The following UBALD2 variants were observed in gnomAD, a reference collection of about 807,000 sequenced individuals.
The protein encoded by UBALD2 is UBA like domain containing 2.
Under a neutral mutation model 15.9 loss-of-function variants are expected in UBALD2, and 8 were observed. The ratio of observed to expected loss-of-function variants is 0.50; its 90% CI spans 0.29 to 0.91. The LOEUF (loss-of-function observed/expected upper bound fraction) is 0.91, where lower values mean the gene tolerates loss of function less well. Among genes scored for constraint, UBALD2 ranks in the 40% least tolerant of loss-of-function variants. The pLI is 0.07. For synonymous variants in UBALD2, 113 were observed against 97.7 expected, an observed-to-expected ratio of 1.16 and a Z score of -0.93; for missense variants, 178 against 234.8, an observed-to-expected ratio of 0.76 and a Z score of 1.58.
At chr17:76,266,429 C>G (rs1598467270) in intron 2 of UBALD2, among the ~76,000 whole-genome samples, 2 of 151,636 alleles carry the variant, frequency 1.3e-5, no homozygotes, top group Admixed American at 1.3e-4. Flanking sequence ...CACACACACA[C>G]CCAGCGCTAC....
intron 2 of UBALD2, 62 bp from the exon 3 acceptor site, chr17:76,270,132 C>T: frequency 1.3e-6 from 2 of 1,562,504 alleles, no homozygotes. Context: ...CCTGGGTAAG[C>T]CCCATCCAGT....
At position 76,269,626 on chromosome 17, in the gene UBALD2, A is replaced by C. The variant is rs1479414035; in HGVS notation, c.184-568A>C. On this transcript the variant is annotated intron_variant, in intron 2 of 2. Coordinates refer to ENST00000327490, the MANE Select transcript of UBALD2 (RefSeq NM_182565.4). The surrounding 1 kb of genome is among the most constrained non-coding windows in gnomAD (Gnocchi z 4.6). The stretch of plus-strand genomic sequence containing the variant: ...CAGTTTCCTCATTTGTCATAAAGAG[A>C]GGATAATTGAAGCCACTAAGTGTCA... Among the ~76,000 whole-genome samples the C allele has an allele frequency of 6.6e-6, 1 of 152,172 alleles. No homozygotes were observed. The highest frequency in any genetic ancestry group is 1.5e-5 in the Non-Finnish European group (1 of 68,026).
Position 76,270,609 on chromosome 17 carries a change from C to T in UBALD2, c.*104C>T, listed in dbSNP as rs886185918. 104 of 1,097,980 alleles carry T rather than the reference C, an allele frequency of 9.5e-5. No individual in the cohort carries two copies. The highest frequency in any genetic ancestry group is 3.4e-4 in the East Asian group (11 of 32,408). The allele number at this position is 1,097,980 out of a possible 1,614,324, so 68.0% of individuals were successfully genotyped here. On this transcript the variant is annotated 3_prime_UTR_variant, in exon 3 of 3. Transcript: ENST00000327490. ...GAGCCGGGGAGGGCAGGGGGTTTCC[C>T]GAAGATCGCACTGGAAGATTTTATA...
chr17:76,266,495 A>G (rs1246759678), intron 2 of UBALD2, among the ~76,000 whole-genome samples: 1 of 152,112 alleles, frequency 6.6e-6, no homozygotes, highest in Non-Finnish European at 1.5e-5. Flanking sequence ...CTCTACCCAC[A>G]AAGATCTGTT....
Position 76,270,602 on chromosome 17 carries a change from G to T in UBALD2, c.*97G>T. On this transcript the variant is annotated 3_prime_UTR_variant, in exon 3 of 3. Coordinates refer to ENST00000327490, the MANE Select transcript of UBALD2 (RefSeq NM_182565.4). The stretch of plus-strand genomic sequence containing the variant: ...GAGGGGGGAGCCGGGGAGGGCAGGG[G>T]GTTTCCCGAAGATCGCACTGGAAGA... 8.6e-7 allele frequency: 1 copy of T among 1,164,254 alleles called. No individual in the cohort carries two copies. The highest frequency in any genetic ancestry group is 1.1e-6 in the Non-Finnish European group (1 of 879,814). 72.1% of individuals were successfully genotyped at this position (1,164,254 alleles called of 1,614,324 possible).
At position 76,265,500 on chromosome 17, in the gene UBALD2, C is replaced by A; in HGVS notation, c.-6C>A. 1 of 1,216,870 alleles carries A rather than the reference C, an allele frequency of 8.2e-7. No homozygotes were observed. The highest frequency in any genetic ancestry group is 1.9e-5 in the South Asian group (1 of 53,152). The allele number at this position is 1,216,870 out of a possible 1,614,324, so 75.4% of individuals were successfully genotyped here. On this transcript the variant is annotated 5_prime_UTR_variant, in exon 1 of 3. Coordinates refer to ENST00000327490, the MANE Select transcript of UBALD2 (RefSeq NM_182565.4). ...GGAGACGCCGGGCCCCGCGCCGCGCCGCGCCATGTCGGTGAACATGGACGA... is the reference window on the plus strand; with the variant it reads ...GGAGACGCCGGGCCCCGCGCCGCGCAGCGCCATGTCGGTGAACATGGACGA...
At position 76,269,067 on chromosome 17, in the gene UBALD2, A is replaced by T. The variant is rs935853751; in HGVS notation, c.184-1127A>T. On this transcript the variant is annotated intron_variant, in intron 2 of 2. Coordinates refer to ENST00000327490, the MANE Select transcript of UBALD2 (RefSeq NM_182565.4). The surrounding 1 kb of genome is among the most constrained non-coding windows in gnomAD (Gnocchi z 4.6). ...CCTCTTTCAAGGTGAAGAGCCCTCAAGTCGTTCCCCCAACTCCTGCGCCTG... is the reference window on the plus strand; with the variant it reads ...CCTCTTTCAAGGTGAAGAGCCCTCATGTCGTTCCCCCAACTCCTGCGCCTG... Among the ~76,000 whole-genome samples, 1 of 152,118 alleles carries T rather than the reference A, an allele frequency of 6.6e-6. No individual in the cohort carries two copies. The highest frequency in any genetic ancestry group is 1.5e-5 in the Non-Finnish European group (1 of 68,010).
At position 76,270,548 on chromosome 17, in the gene UBALD2, C is replaced by T; in HGVS notation, c.*43C>T. 1 of 1,417,392 alleles carries T rather than the reference C, an allele frequency of 7.1e-7. No homozygotes were observed. Among genetic ancestry groups the T allele is most frequent in the Non-Finnish European group, 9.2e-7 (1 of 1,090,350 alleles). The allele number at this position is 1,417,392 out of a possible 1,614,324, so 87.8% of individuals were successfully genotyped here. On this transcript the variant is annotated 3_prime_UTR_variant, in exon 3 of 3. Transcript: ENST00000327490. The stretch of plus-strand genomic sequence containing the variant: ...CGCTGGGCTGGAGCTGGGGGCAGCC[C>T]AGGGTTGTGGGGACACAGGAGGGCC...
chr17:76,267,490 C>CTTTTTT (rs55819046), intron 2 of UBALD2, among the ~76,000 whole-genome samples: 18 of 115,092 alleles, frequency 1.6e-4, no homozygotes, highest in African/African-American at 4.9e-4. Context: ...TTCATGGTTT[C>CTTTTTT]TTTTTTTTTT....
Position 76,270,238 on chromosome 17 carries a change from C to T in UBALD2, c.228C>T (p.Pro76=), listed in dbSNP as rs201590446. The change falls in exon 3 of 3, where the codon CCC becomes CCT. Residue 76 remains proline, a synonymous_variant. Transcript: ENST00000327490. ...CCCCTGCCACGCCGCCCAACTTCCC[C>T]GATGCGCTGGCCATGTTCTCCAAGC... ...SNTPATPPNF[P]DALAMFSKLR... is the part of the protein sequence containing the mutation. 7.1e-5 allele frequency: 114 copies of T among 1,612,842 alleles called. 1 individual carries two copies. Among genetic ancestry groups the T allele is most frequent in the African/African-American group, 3.9e-4 (29 of 75,024 alleles).
rs530455334 is a variant in UBALD2, at chr17:76,270,652, C to T, written c.*147C>T. 62 of 784,430 alleles carry T rather than the reference C, an allele frequency of 7.9e-5. No individual in the cohort carries two copies. In the African/African-American group the frequency reaches 1.0e-3, roughly 13 times the overall value. 48.6% of individuals were successfully genotyped at this position (784,430 alleles called of 1,614,324 possible). ...ATTTTATAAAAGAATTTTTGTGGGT[C>T]GGGGGGACAGTAAACTTCCTGGGCC... On this transcript the variant is annotated 3_prime_UTR_variant, in exon 3 of 3. Transcript: ENST00000327490.
In UBALD2 at chr17:76,269,422, A is replaced by G. The variant is rs776435222; in HGVS notation, c.184-772A>G. On this transcript the variant is annotated intron_variant, in intron 2 of 2. Transcript: ENST00000327490. The surrounding 1 kb of genome is among the most constrained non-coding windows in gnomAD (Gnocchi z 4.6). ...TGAGGCTACAGACACAGGACATTGAAATCCCTGGTTTGTGTCCTCAAGGGG... is the reference window on the plus strand; with the variant it reads ...TGAGGCTACAGACACAGGACATTGAGATCCCTGGTTTGTGTCCTCAAGGGG... Among the ~76,000 whole-genome samples, 12 of 152,088 alleles carry G rather than the reference A, an allele frequency of 7.9e-5. No homozygotes were observed. Among genetic ancestry groups the G allele is most frequent in the Admixed American group, 2.0e-4 (3 of 15,290 alleles).
intron 2 of UBALD2, among the ~76,000 whole-genome samples, chr17:76,268,097 C>T (rs1363980406): frequency 3.9e-5 from 6 of 152,186 alleles, no homozygotes; most frequent in Non-Finnish European, 4.4e-5. Flanking sequence ...CTGTAGATTC[C>T]CATAGTTGGA....
Position 76,270,403 on chromosome 17 carries a change from C to A in UBALD2, c.393C>A (p.Thr131=). The part of the protein sequence containing the change: ...QAPWIPPSSP[T]TFHHLHRPQP... The stretch of plus-strand genomic sequence containing the variant: ...CCTGGATCCCGCCCTCCTCCCCCAC[C>A]ACCTTCCACCACCTCCACCGCCCAC... Residue 131 remains threonine, a synonymous_variant, in exon 3 of 3, where the codon ACC becomes ACA. Transcript: ENST00000327490. 6.5e-7 allele frequency: 1 copy of A among 1,533,752 alleles called. No individual in the cohort carries two copies. Among genetic ancestry groups the A allele is most frequent in the South Asian group, 1.2e-5 (1 of 83,696 alleles).
Position 76,265,489 on chromosome 17 carries a change from C to G in UBALD2, c.-17C>G. Reference sequence around the variant, plus strand: ...TGCGTCCGGCCGGAGACGCCGGGCCCCGCGCCGCGCCGCGCCATGTCGGTG... The same window carrying G: ...TGCGTCCGGCCGGAGACGCCGGGCCGCGCGCCGCGCCGCGCCATGTCGGTG... On this transcript the variant is annotated 5_prime_UTR_variant, in exon 1 of 3. Coordinates refer to ENST00000327490, the MANE Select transcript of UBALD2 (RefSeq NM_182565.4). 1 of 1,158,470 alleles carries G rather than the reference C, an allele frequency of 8.6e-7. No individual in the cohort carries two copies. The allele number at this position is 1,158,470 out of a possible 1,614,324, so 71.8% of individuals were successfully genotyped here. A position where few individuals can be genotyped will look rare whatever the true frequency, so the allele number is the denominator to read the frequency against.
rs1489095403 is a variant in UBALD2, at chr17:76,271,268, TAAAAAC to T, written c.*764_*769del. 6.6e-6 allele frequency: 1 copy of T among 152,264 alleles called. No homozygotes were observed. Among genetic ancestry groups the T allele is most frequent in the Non-Finnish European group, 1.5e-5 (1 of 68,048 alleles). The allele number at this position is 152,264 out of a possible 1,614,324, so 9.4% of individuals were successfully genotyped here. A position where few individuals can be genotyped will look rare whatever the true frequency, so the allele number is the denominator to read the frequency against. On this transcript the variant is annotated 3_prime_UTR_variant, in exon 3 of 3. Coordinates refer to ENST00000327490, the MANE Select transcript of UBALD2 (RefSeq NM_182565.4). ...ATCTCACCAGGGCGAAATTTTAATT[TAAAAAC>T]TTAAAAAGAGACTTTTCTAACTTCC... is the stretch of plus-strand genomic sequence containing the variant.
chr17:76,267,939 G>A (rs541794979), intron 2 of UBALD2, among the ~76,000 whole-genome samples: 5 of 152,190 alleles, frequency 3.3e-5, no homozygotes, highest in African/African-American at 7.2e-5. Context: ...GATTACAGGC[G>A]TGAGCCACTG....
At position 76,270,417 on chromosome 17, in the gene UBALD2, TCCA is replaced by T. The variant is rs2070578343; in HGVS notation, c.410_412del (p.His137del). ...TCCTCCCCCACCACCTTCCACCACC[TCCA>T]CCGCCCACAGCCCACGTGGCCCCCA... On this transcript the variant is annotated inframe_deletion, in exon 3 of 3. Coordinates refer to ENST00000327490, the MANE Select transcript of UBALD2 (RefSeq NM_182565.4). The T allele has an allele frequency of 9.1e-7, 1 of 1,097,348 alleles. No homozygotes were observed. The highest frequency in any genetic ancestry group is 1.8e-5 in the African/African-American group (1 of 56,392). The allele number at this position is 1,097,348 out of a possible 1,614,324, so 68.0% of individuals were successfully genotyped here. A position where few individuals can be genotyped will look rare whatever the true frequency, so the allele number is the denominator to read the frequency against.
intron 2 of UBALD2, among the ~76,000 whole-genome samples, chr17:76,267,847 C>A (rs921321629): frequency 3.3e-5 from 5 of 151,796 alleles, no homozygotes; most frequent in African/African-American, 1.2e-4. Flanking sequence ...TTAGTAGAGA[C>A]GGGGTTTCTC....
Sources: allele counts gnomAD v4.1 joint callset (sites outside exome capture counted in the v4.1 genomes callset), GRCh38; gene constraint gnomAD v4.1.1; non-coding constraint Gnocchi (gnomAD v3.1); transcripts MANE v1.5; gene names NCBI Gene and HGNC (gene_info 2026-07-23, HGNC 2026-07-21).